PLEKHG2: variants seen among roughly 807,000 people sequenced by gnomAD.
PLEKHG2 encodes pleckstrin homology domain-containing family G member 2.
Under a neutral mutation model 104.4 loss-of-function variants are expected in PLEKHG2, and 71 were observed. The ratio of observed to expected loss-of-function variants is 0.68; its 90% CI spans 0.56 to 0.83. The LOEUF is 0.83. Ranked by LOEUF, PLEKHG2 falls within the 40% of genes least tolerant of loss-of-function variation. The probability of loss-of-function intolerance (pLI) is 0.00; values close to 1 mark genes in which losing one functional copy is unlikely to be tolerated. For synonymous variants in PLEKHG2, 728 were observed against 737.0 expected, an observed-to-expected ratio of 0.99 and a Z score of 0.20; for missense variants, 1,730 against 1,809.4, an observed-to-expected ratio of 0.96 and a Z score of 0.80.
At chr19:39,419,890 AAG>A (rs1674224424) in intron 11 of PLEKHG2, among the ~76,000 whole-genome samples, 1 of 96,842 alleles carries the variant, frequency 1.0e-5, no homozygotes, top group African/African-American at 4.7e-5. Context: ...AAAAAAAAAA[AAG>A]AAAAAGAAAA....
Position 39,422,777 on chromosome 19 carries a change from C to A in PLEKHG2, c.1723C>A (p.Pro575Thr). The A allele has an allele frequency of 6.6e-7, 1 of 1,526,106 alleles. No homozygotes were observed. Among genetic ancestry groups the A allele is most frequent in the South Asian group, 1.3e-5 (1 of 75,650 alleles). 94.5% of individuals were successfully genotyped at this position (1,526,106 alleles called of 1,614,324 possible). Residue 575 changes from proline (P) to threonine (T), a missense_variant, in exon 18 of 19, where the codon CCT (proline) becomes ACT (threonine). Pro to Thr is a conservative substitution (Grantham distance 38). Coordinates refer to ENST00000425673, the MANE Select transcript of PLEKHG2 (RefSeq NM_022835.3). The stretch of plus-strand genomic sequence containing the variant: ...CAAGTTCCCCGGAGACTCCCAGGTG[C>A]CTGGCGACAGCGAAACCCTCACATT... ...IPKFPGDSQV[P>T]GDSETLTFQA...
Position 39,416,282 on chromosome 19 carries a change from C to T in PLEKHG2, c.480-66C>T. Reference sequence around the variant, plus strand: ...CAGCAGACCATTGGGGCCTCAGCCTCCTGGAGGCCTCCCATGGAGGGGTCG... The same window carrying T: ...CAGCAGACCATTGGGGCCTCAGCCTTCTGGAGGCCTCCCATGGAGGGGTCG... On this transcript the variant is annotated intron_variant, in intron 4 of 18. Coordinates refer to ENST00000425673, the MANE Select transcript of PLEKHG2 (RefSeq NM_022835.3). This position sits in a 1 kb window ranked among gnomAD's most constrained non-coding sequence, Gnocchi z 4.5. 6.5e-7 allele frequency: 1 copy of T among 1,548,888 alleles called. No homozygotes were observed. The highest frequency in any genetic ancestry group is 1.1e-5 in the South Asian group (1 of 88,862).
In PLEKHG2 at chr19:39,424,177, A is replaced by G; in HGVS notation, c.3044A>G (p.His1015Arg). ...GAGCAGGGACACTGTGCGGACATCC[A>G]CGTTCCCACCACTCCAGCTTTGCCC... ...CPEQGHCADIHVPTTPALPKE... is the reference protein window; with the variant it reads ...CPEQGHCADIRVPTTPALPKE... Residue 1015 changes from histidine (H) to arginine (R), a missense_variant, in exon 19 of 19, where the codon CAC becomes CGC. By Grantham distance (29) the His-to-Arg change is conservative (BLOSUM62 0). Transcript: ENST00000425673. The G allele has an allele frequency of 6.2e-7, 1 of 1,613,874 alleles. No homozygotes were observed. Among genetic ancestry groups the G allele is most frequent in the Non-Finnish European group, 8.5e-7 (1 of 1,179,964 alleles).
intron 7 of PLEKHG2, 64 bp from the exon 8 acceptor site, chr19:39,417,491 C>T: frequency 6.3e-7 from 1 of 1,577,458 alleles, no homozygotes; most frequent in Non-Finnish European, 8.6e-7. Context: ...TCCTGTTATT[C>T]TCATTCTCTT....
In PLEKHG2 at chr19:39,425,118, C is replaced by G. The variant is rs31728; in HGVS notation, c.3985C>G (p.Pro1329Ala). 824,480 of 1,583,120 alleles carry G rather than the reference C, an allele frequency of 0.52. 216,530 individuals are homozygous for G. Among genetic ancestry groups the G allele is most frequent in the African/African-American group, 0.66 (48,781 of 73,906 alleles). The change falls in exon 19 of 19, where the codon CCA (proline) becomes GCA (alanine). Residue 1329 changes from proline (P) to alanine (A), a missense_variant. Physicochemically the swap from Pro to Ala is conservative, Grantham distance 27 (BLOSUM62 -1). Transcript: ENST00000425673. ...CCCCCAGCCCCAGCCACCACCTCCC[C>G]CAGCCAGGCGGCTCAGCTATGCCAC... ...PPPQPQPPPP[P>A]ARRLSYATTV...
Position 39,424,672 on chromosome 19 carries a change from C to T in PLEKHG2, c.3539C>T (p.Pro1180Leu), listed in dbSNP as rs1386157260. The T allele has an allele frequency of 6.2e-7, 1 of 1,614,214 alleles. No homozygotes were observed. The highest frequency in any genetic ancestry group is 1.1e-5 in the South Asian group (1 of 91,084). Residue 1180 changes from proline (P) to leucine (L), a missense_variant, in exon 19 of 19, where the codon CCA becomes CTA. Coordinates refer to ENST00000425673, the MANE Select transcript of PLEKHG2 (RefSeq NM_022835.3). ...ATCCAGGGTCCAGCGGCTGCACCTC[C>T]ACTTCCGGAGCCAAGCCTTACAGAT... ...PDIQGPAAAP[P>L]LPEPSLTDTQ...
rs754187197 is a variant in PLEKHG2, at chr19:39,422,118, G to T, written c.1507G>T (p.Ala503Ser). The T allele has an allele frequency of 8.7e-6, 14 of 1,607,434 alleles. No individual in the cohort carries two copies. In the East Asian group the frequency reaches 2.9e-4, roughly 34 times the overall value. Residue 503 changes from alanine (A) to serine (S), a missense_variant, in exon 17 of 19, where the codon GCT (alanine) becomes TCT (serine). By Grantham distance (99) the Ala-to-Ser change is moderately conservative. Transcript: ENST00000425673. ...CCATTGCTTTCCCTCCTCACAGCAC[G>T]CTGGCAGCGAAGGGGAACTCTACCC... is the stretch of plus-strand genomic sequence containing the variant. ...PQNAKPGFKH[A>S]GSEGELYPPE... is the part of the protein sequence containing the mutation.
In PLEKHG2 at chr19:39,423,612, C is replaced by T. The variant is rs2078735640; in HGVS notation, c.2558C>T (p.Pro853Leu). The T allele has an allele frequency of 6.5e-7, 1 of 1,535,456 alleles. No individual in the cohort carries two copies. Among genetic ancestry groups the T allele is most frequent in the East Asian group, 2.3e-5 (1 of 44,306 alleles). ...CGCCGGCCTCGGGTTCTGGCCCAAC[C>T]CCAGCCATCCCCCTGTCTGCCCCAG... Reference protein sequence around the residue: ...PRRRPRVLAQPQPSPCLPQEQ... With the variant: ...PRRRPRVLAQLQPSPCLPQEQ... The change falls in exon 18 of 19, where the codon CCC becomes CTC. Residue 853 changes from proline to leucine, a missense_variant. Coordinates refer to ENST00000425673, the MANE Select transcript of PLEKHG2 (RefSeq NM_022835.3).
rs1351542846 is a variant in PLEKHG2, at chr19:39,416,973, C to T, written c.717C>T (p.Arg239=). 1 of 1,613,088 alleles carries T rather than the reference C, an allele frequency of 6.2e-7. No homozygotes were observed. Among genetic ancestry groups the T allele is most frequent in the Non-Finnish European group, 8.5e-7 (1 of 1,179,708 alleles). Reference sequence around the variant, plus strand: ...GCTTCCTGCTGAAACCTGTCCAGCGCATTCTCAAGTACCATCTGCTGCTGC... The same window carrying T: ...GCTTCCTGCTGAAACCTGTCCAGCGTATTCTCAAGTACCATCTGCTGCTGC... ...LQSFLLKPVQ[R]ILKYHLLLQE... is the part of the protein sequence containing the mutation. Residue 239 remains arginine (R), a synonymous_variant, in exon 7 of 19, where the codon CGC becomes CGT. Coordinates refer to ENST00000425673, the MANE Select transcript of PLEKHG2 (RefSeq NM_022835.3). The surrounding 1 kb of genome is among the most constrained non-coding windows in gnomAD (Gnocchi z 4.5).
At position 39,423,436 on chromosome 19, in the gene PLEKHG2, G is replaced by A. The variant is rs374400929; in HGVS notation, c.2382G>A (p.Ser794=). The A allele has an allele frequency of 3.9e-5, 62 of 1,609,872 alleles. No individual in the cohort carries two copies. Among genetic ancestry groups the A allele is most frequent in the African/African-American group, 5.3e-5 (4 of 74,872 alleles). ...AGCCACTGCTGATCCTGGAGGATTC[G>A]GATCTGGGTGGAGACAGCGGGAGCG... ...FPEPLLILED[S]DLGGDSGSGK... is the part of the protein sequence containing the mutation. The change falls in exon 18 of 19, where the codon TCG becomes TCA. Residue 794 remains serine, a synonymous_variant. Transcript: ENST00000425673.
At position 39,416,422 on chromosome 19, in the gene PLEKHG2, G is replaced by C; in HGVS notation, c.546+8G>C. 1.2e-6 allele frequency: 2 copies of C among 1,613,266 alleles called. No homozygotes were observed. The highest frequency in any genetic ancestry group is 1.7e-6 in the Non-Finnish European group (2 of 1,179,762). ...GAGTGCTTCGTGCAGAGGGTGAGTG[G>C]AGGGGTGGGGGGCTCTCGGTCCTGG... On this transcript the variant is annotated splice_region_variant and intron_variant, in intron 5 of 18. Coordinates refer to ENST00000425673, the MANE Select transcript of PLEKHG2 (RefSeq NM_022835.3). The surrounding 1 kb of genome is among the most constrained non-coding windows in gnomAD (Gnocchi z 4.5).
chr19:39,422,420 G>A (rs1019642343), intron 17 of PLEKHG2, 132 bp downstream of exon 17: 32 of 1,070,952 alleles, frequency 3.0e-5, no homozygotes, highest in South Asian at 3.8e-5. Context: ...CTCTGTTGCC[G>A]AGGCTGGAGT....
At chr19:39,414,244 G>T in intron 2 of PLEKHG2, 49 bp downstream of exon 2, 1 of 1,521,502 alleles carries the variant, frequency 6.6e-7, no homozygotes, top group South Asian at 1.2e-5. Flanking sequence ...TTTATTCCTT[G>T]GCAATGCTGT....
At position 39,425,646 on chromosome 19, in the gene PLEKHG2, A is replaced by G. The variant is rs1035140738; in HGVS notation, c.*352A>G. 2.5e-6 allele frequency: 1 copy of G among 392,370 alleles called. No individual in the cohort carries two copies. Among genetic ancestry groups the G allele is most frequent in the Non-Finnish European group, 4.5e-6 (1 of 222,936 alleles). The allele number at this position is 392,370 out of a possible 1,614,324, so 24.3% of individuals were successfully genotyped here. Reference sequence around the variant, plus strand: ...AGACTCCTTTGAGAATTATTGGAAAATGGACCCACTATAACTTGGCGTGTG... The same window carrying G: ...AGACTCCTTTGAGAATTATTGGAAAGTGGACCCACTATAACTTGGCGTGTG... On this transcript the variant is annotated 3_prime_UTR_variant, in exon 19 of 19. Transcript: ENST00000425673.
At chr19:39,419,649 G>A (rs548225717) in intron 11 of PLEKHG2, among the ~76,000 whole-genome samples, 34 of 152,024 alleles carry the variant, frequency 2.2e-4, no homozygotes, top group African/African-American at 4.8e-4. Context: ...AGGCCGAGGC[G>A]GGCGGATCAC....
In PLEKHG2 at chr19:39,417,635, G is replaced by A. The variant is rs781530863; in HGVS notation, c.825G>A (p.Ala275=). 16 of 1,613,942 alleles carry A rather than the reference G, an allele frequency of 9.9e-6. No individual in the cohort carries two copies. The highest frequency in any genetic ancestry group is 2.7e-5 in the African/African-American group (2 of 74,890). ...AGGAAGCTATTGTGTCCATGACAGC[G>A]GTTGCCTGGTACATCAACGACATGA... The part of the protein sequence containing the change: ...MVEEAIVSMT[A]VAWYINDMKR... The change falls in exon 8 of 19, where the codon GCG becomes GCA. Residue 275 remains alanine (A), a synonymous_variant. Transcript: ENST00000425673.
At position 39,420,777 on chromosome 19, in the gene PLEKHG2, G is replaced by A. The variant is rs746671646; in HGVS notation, c.1324G>A (p.Glu442Lys). The change falls in exon 13 of 19, where the codon GAG becomes AAG. Residue 442 changes from glutamate to lysine, a missense_variant. Glu to Lys is a moderately conservative substitution (Grantham distance 56). Transcript: ENST00000425673. ...HCAPKSKPVLEPLTPPLGSPR... is the reference protein window; with the variant it reads ...HCAPKSKPVLKPLTPPLGSPR... ...TGCCCCCAAAAGTAAGCCTGTCCTA[G>A]AGCCCCTGACACCCCCACTTGGGTC... is the stretch of plus-strand genomic sequence containing the variant. 2.5e-6 allele frequency: 4 copies of A among 1,614,018 alleles called. No homozygotes were observed. Among genetic ancestry groups the A allele is most frequent in the Non-Finnish European group, 3.4e-6 (4 of 1,180,028 alleles).
In PLEKHG2 at chr19:39,423,281, G is replaced by A; in HGVS notation, c.2227G>A (p.Asp743Asn). The A allele has an allele frequency of 6.2e-7, 1 of 1,614,042 alleles. No individual in the cohort carries two copies. The highest frequency in any genetic ancestry group is 2.2e-5 in the East Asian group (1 of 44,880). ...EEDEEGVSFTDFQPQDVTQHQ... is the reference protein window; with the variant it reads ...EEDEEGVSFTNFQPQDVTQHQ... Reference sequence around the variant, plus strand: ...GGATGAAGAAGGGGTATCATTCACAGACTTCCAGCCCCAGGATGTCACCCA... The same window carrying A: ...GGATGAAGAAGGGGTATCATTCACAAACTTCCAGCCCCAGGATGTCACCCA... Residue 743 changes from aspartate (D) to asparagine (N), a missense_variant, in exon 18 of 19, where the codon GAC becomes AAC. Transcript: ENST00000425673.
In PLEKHG2 at chr19:39,422,176, C is replaced by T. The variant is rs199738156; in HGVS notation, c.1565C>T (p.Ala522Val). 72 of 1,613,834 alleles carry T rather than the reference C, an allele frequency of 4.5e-5. No homozygotes were observed. Among genetic ancestry groups the T allele is most frequent in the African/African-American group, 6.7e-5 (5 of 75,004 alleles). ...PESQPPVSGSAPPEDLEDAGP... is the reference protein window; with the variant it reads ...PESQPPVSGSVPPEDLEDAGP... The stretch of plus-strand genomic sequence containing the variant: ...TCTCAGCCACCAGTTTCAGGCTCTG[C>T]ACCCCCTGAGGACCTGGAGGATGCT... Residue 522 changes from alanine to valine, a missense_variant, in exon 17 of 19, where the codon GCA becomes GTA. By Grantham distance (64) the Ala-to-Val change is moderately conservative (BLOSUM62 0). Transcript: ENST00000425673.
Sources: allele counts gnomAD v4.1 joint callset (sites outside exome capture counted in the v4.1 genomes callset), GRCh38; gene constraint gnomAD v4.1.1; non-coding constraint Gnocchi (gnomAD v3.1); transcripts MANE v1.5; gene names NCBI Gene and HGNC (gene_info 2026-07-23, HGNC 2026-07-21).